Variants in CNNM2 observed in about 807,000 individuals in gnomAD.
CNNM2 encodes cyclin and CBS domain divalent metal cation transport mediator 2, also known as metal transporter CNNM2.
CNNM2 carries 12 observed loss-of-function variants against 66.9 expected under a neutral mutation model. That is an observed-to-expected ratio of 0.18 (90% confidence interval 0.11 to 0.29). The LOEUF is 0.29. CNNM2 is among the 10% of genes least tolerant of loss of function. The pLI is 1.00. For missense variants in CNNM2, 705 were observed against 1,167.7 expected (o/e 0.60, Z 5.77); for synonymous variants, 557 against 501.8 (o/e 1.11, Z -1.47).
intron 1 of CNNM2, among the ~76,000 whole-genome samples, chr10:102,957,400 A>C (rs1039707672): frequency 2.0e-5 from 3 of 152,242 alleles, no homozygotes; most frequent in African/African-American, 7.2e-5. Context: ...TGGGAAAGCA[A>C]AGGTGAAGAT....
In CNNM2 at chr10:102,935,368, G is replaced by A. The variant is rs562898000; in HGVS notation, c.1621+15267G>A. On this transcript the variant is annotated intron_variant, in intron 1 of 7. Coordinates refer to ENST00000369878, the MANE Select transcript of CNNM2 (RefSeq NM_017649.5). ...TCTTAGCTACTTGGGGGGTTGAGGT[G>A]GGAGGATCACTTGAGCCAGGAGGTC... 8.6e-5 allele frequency among the ~76,000 whole-genome samples: 13 copies of A among 152,012 alleles called. No individual in the cohort carries two copies. The South Asian group carries it at 2.7e-3, about 32-fold the overall frequency.
At chr10:102,931,727 A>G (rs1209942007) in intron 1 of CNNM2, among the ~76,000 whole-genome samples, 16 of 152,062 alleles carry the variant, frequency 1.1e-4, no homozygotes, top group African/African-American at 3.6e-4. Context: ...TGGTAATTCT[A>G]TTAACTTTTT....
intron 1 of CNNM2, among the ~76,000 whole-genome samples, chr10:103,034,913 CCG>C (rs1450927402): frequency 1.4e-5 from 2 of 147,354 alleles, no homozygotes; most frequent in Non-Finnish European, 3.0e-5. Context: ...TTGCAGTGAG[CCG>C]AGATTGCGCC....
At chr10:103,051,027 A>G (rs2065204375) in intron 2 of CNNM2, among the ~76,000 whole-genome samples, 1 of 152,138 alleles carries the variant, frequency 6.6e-6, no homozygotes, top group African/African-American at 2.4e-5. Context: ...GGCTCTGTGT[A>G]TGCTGCCTGG....
At chr10:102,968,718 C>T (rs2063503917) in intron 1 of CNNM2, among the ~76,000 whole-genome samples, 1 of 151,892 alleles carries the variant, frequency 6.6e-6, no homozygotes. Context: ...ATCCTTCCGC[C>T]TCATTGCACT....
At position 103,016,934 on chromosome 10, in the gene CNNM2, C is replaced by CT. The variant is rs527403817; in HGVS notation, c.1622-32764dup. Among the ~76,000 whole-genome samples the CT allele has an allele frequency of 2.5e-3, 367 of 149,726 alleles. 5 individuals carry two copies. The highest frequency in any genetic ancestry group is 8.4e-3 in the African/African-American group (343 of 40,774). On this transcript the variant is annotated intron_variant, in intron 1 of 7. Coordinates refer to ENST00000369878, the MANE Select transcript of CNNM2 (RefSeq NM_017649.5). ...GCCCCAATCTCACTGCAACATAGGG[C>CT]TTTTTTTTTGGGCGGGGGGTACTTT...
chr10:103,014,757 T>C (rs2064409533), intron 1 of CNNM2, among the ~76,000 whole-genome samples: 1 of 152,176 alleles, frequency 6.6e-6, no homozygotes, highest in Non-Finnish European at 1.5e-5. Flanking sequence ...CTGGGTGCAG[T>C]GGCTCATGCC....
At chr10:103,051,143 C>G (rs2065206179) in intron 2 of CNNM2, among the ~76,000 whole-genome samples, 1 of 152,140 alleles carries the variant, frequency 6.6e-6, no homozygotes, top group African/African-American at 2.4e-5. Context: ...GCTTTTTATT[C>G]AGTCCTGCTA....
At chr10:103,029,729 G>A (rs1408460908) in intron 1 of CNNM2, among the ~76,000 whole-genome samples, 2 of 152,088 alleles carry the variant, frequency 1.3e-5, no homozygotes, top group East Asian at 1.9e-4. Flanking sequence ...AGCCAGGCAT[G>A]GCGGCACGTG....
At chr10:102,971,344 G>A (rs2063544741) in intron 1 of CNNM2, among the ~76,000 whole-genome samples, 1 of 151,842 alleles carries the variant, frequency 6.6e-6, no homozygotes, top group African/African-American at 2.4e-5. Flanking sequence ...GTAGATGAAG[G>A]TATCACGTTA....
chr10:102,972,148 A>T (rs978492336), intron 1 of CNNM2, among the ~76,000 whole-genome samples: 7 of 152,152 alleles, frequency 4.6e-5, no homozygotes, highest in African/African-American at 1.7e-4. Context: ...TATGCTTGCA[A>T]CGTGTTTCCA....
At chr10:103,026,514 T>C (rs1168392246) in intron 1 of CNNM2, among the ~76,000 whole-genome samples, 4 of 148,904 alleles carry the variant, frequency 2.7e-5, no homozygotes, top group Non-Finnish European at 5.9e-5. Context: ...GGTGAGAGAA[T>C]TGCTGGAGCC....
chr10:103,051,946 T>C (rs1167837439), intron 2 of CNNM2, among the ~76,000 whole-genome samples: 1 of 152,042 alleles, frequency 6.6e-6, no homozygotes, highest in Non-Finnish European at 1.5e-5. Flanking sequence ...TTTGTACGTT[T>C]ACGTTCTTTT....
chr10:102,932,308 C>G (rs916797007), intron 1 of CNNM2, among the ~76,000 whole-genome samples: 4 of 151,984 alleles, frequency 2.6e-5, no homozygotes, highest in African/African-American at 7.3e-5. Context: ...CCTTGGCCTC[C>G]CAAAGTGCTG....
At chr10:102,952,682 A>C (rs1846885214) in intron 1 of CNNM2, among the ~76,000 whole-genome samples, 1 of 151,532 alleles carries the variant, frequency 6.6e-6, no homozygotes, top group Non-Finnish European at 1.5e-5. Flanking sequence ...TAAATTCATT[A>C]GTTGGGGCAC....
intron 1 of CNNM2, among the ~76,000 whole-genome samples, chr10:103,034,528 A>G (rs1004063093): frequency 6.6e-6 from 1 of 152,144 alleles, no homozygotes; most frequent in Non-Finnish European, 1.5e-5. Flanking sequence ...CCACATTTTT[A>G]TGTATGACTT....
chr10:102,962,690 C>CTGTGTGTGTGTGTGTG (rs10580172), intron 1 of CNNM2, among the ~76,000 whole-genome samples: 4 of 143,902 alleles, frequency 2.8e-5, no homozygotes, highest in South Asian at 2.3e-4. Flanking sequence ...ATATGATATA[C>CTGTGTGTGTGTGTGTG]TGTGTGTGTG....
At chr10:102,939,573 T>C (rs1297764774) in intron 1 of CNNM2, among the ~76,000 whole-genome samples, 2 of 152,210 alleles carry the variant, frequency 1.3e-5, no homozygotes, top group Non-Finnish European at 2.9e-5. Context: ...CCATTTCTAA[T>C]TGAGCAGTCC....
chr10:103,023,446 G>A (rs1244469478), intron 1 of CNNM2, among the ~76,000 whole-genome samples: 1 of 152,174 alleles, frequency 6.6e-6, no homozygotes. Flanking sequence ...TACTCAGGAG[G>A]CTGAGGCAGG....
Sources: allele counts gnomAD v4.1 joint callset (sites outside exome capture counted in the v4.1 genomes callset), GRCh38; gene constraint gnomAD v4.1.1; transcripts MANE v1.5; gene names NCBI Gene and HGNC (gene_info 2026-07-23, HGNC 2026-07-21).